CAMK4: variants seen among roughly 807,000 people sequenced by gnomAD.
The protein encoded by CAMK4 is calcium/calmodulin-dependent protein kinase type IV.
A neutral mutation model predicts 44.9 loss-of-function variants in CAMK4; 22 were observed. The ratio of observed to expected loss-of-function variants is 0.49; its 90% CI spans 0.35 to 0.70. The LOEUF (loss-of-function observed/expected upper bound fraction) is 0.70. Ranked by LOEUF, CAMK4 falls within the 30% of genes least tolerant of loss-of-function variation. The probability of loss-of-function intolerance (pLI) is 0.01; values close to 1 mark genes in which losing one functional copy is unlikely to be tolerated. For synonymous variants in CAMK4, 218 were observed against 215.4 expected (o/e 1.01, Z -0.11); for missense variants, 498 against 586.8 (o/e 0.85, Z 1.56).
At chr5:111,293,618 G>A (rs1747365690) in intron 1 of CAMK4, among the ~76,000 whole-genome samples, 1 of 151,670 alleles carries the variant, frequency 6.6e-6, no homozygotes, top group African/African-American at 2.4e-5. Flanking sequence ...GTTGAGACGG[G>A]GTTTTACCAC....
At chr5:111,260,512 A>G (rs1045885519) in intron 1 of CAMK4, among the ~76,000 whole-genome samples, 11 of 151,998 alleles carry the variant, frequency 7.2e-5, no homozygotes, top group Non-Finnish European at 1.2e-4. Flanking sequence ...TTGTCTTCCT[A>G]TATTTTCAGT....
chr5:111,379,843 A>C (rs1258898586), intron 4 of CAMK4, among the ~76,000 whole-genome samples: 1 of 152,160 alleles, frequency 6.6e-6, no homozygotes, highest in Admixed American at 6.6e-5. Flanking sequence ...ATGCTTATAA[A>C]AATTAAACAT....
intron 2 of CAMK4, among the ~76,000 whole-genome samples, chr5:111,349,059 C>T (rs1413406381): frequency 6.6e-6 from 1 of 151,920 alleles, no homozygotes; most frequent in Non-Finnish European, 1.5e-5. Flanking sequence ...TAACTGTAAA[C>T]AAGAGAGGAA....
intron 1 of CAMK4, among the ~76,000 whole-genome samples, chr5:111,301,826 A>G (rs1295649230): frequency 6.6e-6 from 1 of 152,162 alleles, no homozygotes; most frequent in Non-Finnish European, 1.5e-5. Context: ...CTAAAGTATA[A>G]GCCATTGTAG....
chr5:111,463,799 A>T (rs1335223523), intron 7 of CAMK4, among the ~76,000 whole-genome samples: 6 of 152,218 alleles, frequency 3.9e-5, no homozygotes, highest in Non-Finnish European at 8.8e-5. Context: ...GGGGGAGAGC[A>T]CAGCATCAAG....
intron 1 of CAMK4, among the ~76,000 whole-genome samples, chr5:111,270,968 C>G (rs2112581586): frequency 6.6e-6 from 1 of 152,318 alleles, no homozygotes; most frequent in Non-Finnish European, 1.5e-5. Flanking sequence ...AAACTGGCAC[C>G]TTCTTCACAA....
chr5:111,419,367 T>A lies in CAMK4; in HGVS notation c.459+24585T>A, dbSNP rs910241349. ...AGCCCTTTGTCAGATGAGTAGGTTG[T>A]GAAAATTTTCTCCCATTTCGTAGGT... On this transcript the variant is annotated intron_variant, in intron 5 of 10. Transcript: ENST00000282356. 1.0e-3 allele frequency among the ~76,000 whole-genome samples: 158 copies of A among 152,282 alleles called. 2 individuals are homozygous for A. The highest frequency in any genetic ancestry group is 3.6e-3 in the African/African-American group (150 of 41,558).
chr5:111,292,200 C>T (rs545125579), intron 1 of CAMK4, among the ~76,000 whole-genome samples: 3 of 152,184 alleles, frequency 2.0e-5, no homozygotes, highest in Non-Finnish European at 2.9e-5. Context: ...TAATTATCTC[C>T]ATGATATCAC....
At chr5:111,379,472 ACT>A (rs1175331820) in intron 4 of CAMK4, among the ~76,000 whole-genome samples, 1 of 151,836 alleles carries the variant, frequency 6.6e-6, no homozygotes, top group Non-Finnish European at 1.5e-5. Flanking sequence ...TAAAAGATAG[ACT>A]CTTTTCCTTT....
intron 1 of CAMK4, among the ~76,000 whole-genome samples, chr5:111,319,642 G>A (rs1038622058): frequency 6.6e-6 from 1 of 152,100 alleles, no homozygotes; most frequent in South Asian, 2.1e-4. Context: ...GGCCTGTGTT[G>A]TAAATGAGTG....
intron 2 of CAMK4, among the ~76,000 whole-genome samples, chr5:111,361,198 T>G (rs1750578279): frequency 6.6e-6 from 1 of 152,080 alleles, no homozygotes; most frequent in Non-Finnish European, 1.5e-5. Context: ...CTTAAAATGT[T>G]AATACTTTCA....
At chr5:111,347,192 C>G (rs965194287) in intron 2 of CAMK4, among the ~76,000 whole-genome samples, 29 of 151,894 alleles carry the variant, frequency 1.9e-4, no homozygotes, top group Admixed American at 1.9e-3. Context: ...TAAGATCTAG[C>G]CTTTGGGCAT....
chr5:111,413,691 C>G (rs1378144392), intron 5 of CAMK4, among the ~76,000 whole-genome samples: 1 of 151,646 alleles, frequency 6.6e-6, no homozygotes, highest in Non-Finnish European at 1.5e-5. Context: ...ATGCTTAAGC[C>G]TAAAATAAAT....
rs1209469019 is a variant in CAMK4, at chr5:111,492,342, AATATAAT to A, written c.*7880_*7886del. 3 of 151,980 alleles carry A rather than the reference AATATAAT, an allele frequency of 2.0e-5. No homozygotes were observed. Among genetic ancestry groups the A allele is most frequent in the African/African-American group, 7.3e-5 (3 of 41,242 alleles). The allele number at this position is 151,980 out of a possible 1,614,324, so 9.4% of individuals were successfully genotyped here. A position where few individuals can be genotyped will look rare whatever the true frequency, so the allele number is the denominator to read the frequency against. ...TTGCTCTATTATTACAGCAATCAATAATATAATATAGCCACTAGGATACACTCGCTGT... is the reference window on the plus strand; with the variant it reads ...TTGCTCTATTATTACAGCAATCAATAATAGCCACTAGGATACACTCGCTGT... On this transcript the variant is annotated 3_prime_UTR_variant, in exon 11 of 11. Coordinates refer to ENST00000282356, the MANE Select transcript of CAMK4 (RefSeq NM_001744.6).
chr5:111,416,452 T>C (rs1309609647), intron 5 of CAMK4: 1 of 152,194 alleles, frequency 6.6e-6, no homozygotes, highest in Non-Finnish European at 1.5e-5. Flanking sequence ...AGAGAAAGGA[T>C]GTTAATTACA....
chr5:111,342,679 A>G (rs1235456369), intron 1 of CAMK4, among the ~76,000 whole-genome samples: 1 of 151,492 alleles, frequency 6.6e-6, no homozygotes, highest in Non-Finnish European at 1.5e-5. Context: ...TCATTTTTAA[A>G]TCTATTATTT....
intron 2 of CAMK4, among the ~76,000 whole-genome samples, chr5:111,363,697 T>C (rs1191013636): frequency 1.3e-5 from 2 of 148,572 alleles, no homozygotes; most frequent in African/African-American, 2.4e-5. Context: ...AAAAGAGGCC[T>C]GATGGAAGAG....
At chr5:111,288,744 A>G (rs957112364) in intron 1 of CAMK4, among the ~76,000 whole-genome samples, 2 of 152,186 alleles carry the variant, frequency 1.3e-5, no homozygotes, top group African/African-American at 4.8e-5. Context: ...CCCAAGGAGC[A>G]GGGGTGAATA....
intron 1 of CAMK4, among the ~76,000 whole-genome samples, chr5:111,249,588 G>T (rs1165988272): frequency 1.3e-5 from 2 of 148,262 alleles, no homozygotes; most frequent in African/African-American, 2.5e-5. Context: ...CCCAGAAATG[G>T]TTACTATTCA....
Sources: allele counts gnomAD v4.1 joint callset (sites outside exome capture counted in the v4.1 genomes callset), GRCh38; gene constraint gnomAD v4.1.1; transcripts MANE v1.5; gene names NCBI Gene and HGNC (gene_info 2026-07-23, HGNC 2026-07-21).